ANKRD30A: variants seen among roughly 807,000 people sequenced by gnomAD.
ANKRD30A encodes ankyrin repeat domain-containing protein 30A.
In ANKRD30A, 170 loss-of-function variants were observed where a neutral mutation model predicts 166.3. That is an observed-to-expected ratio of 1.02 (90% CI 0.90 to 1.16). The LOEUF is 1.16. Among genes scored for constraint, ANKRD30A ranks in the 50% most tolerant of loss-of-function variants. ANKRD30A has a pLI of 0.00. For synonymous variants in ANKRD30A, 564 were observed against 508.9 expected, an observed-to-expected ratio of 1.11 and a Z score of -1.46; for missense variants, 1,630 against 1,518.0, an observed-to-expected ratio of 1.07 and a Z score of -1.23.
chr10:37,148,895 A>G (rs1837705086), intron 9 of ANKRD30A, among the ~76,000 whole-genome samples: 1 of 152,068 alleles, frequency 6.6e-6, no homozygotes, highest in Non-Finnish European at 1.5e-5. Flanking sequence ...AAAATACTGA[A>G]TTTATACTTG....
Position 37,219,354 on chromosome 10 carries a change from A to G in ANKRD30A, c.3642A>G (p.Thr1214=). The G allele has an allele frequency of 6.2e-7, 1 of 1,610,518 alleles. No individual in the cohort carries two copies. The highest frequency in any genetic ancestry group is 8.5e-7 in the Non-Finnish European group (1 of 1,177,676). The change falls in exon 34 of 36, where the codon ACA becomes ACG. Residue 1214 remains threonine (T), a synonymous_variant. Transcript: ENST00000361713. The part of the protein sequence containing the change: ...SAVQDHDQIV[T]SRKSQEPAFH... The stretch of plus-strand genomic sequence containing the variant: ...TACAAGACCATGATCAAATTGTGAC[A>G]TCAAGAAAAAGTCAAGAACCTGCTT...
Position 37,158,406 on chromosome 10 carries a change from G to A in ANKRD30A, c.1813G>A (p.Asp605Asn), listed in dbSNP as rs1480771028. ...NGKLEESPNK[D>N]GLLKATCGMK... ...TTTTCTTATAGAGTCTCCTAATAAA[G>A]ATGGTCTTCTGAAGGTAATAACTTT... is the stretch of plus-strand genomic sequence containing the variant. Residue 605 changes from aspartate to asparagine, a missense_variant, in exon 14 of 36, where the codon GAT (aspartate) becomes AAT (asparagine). Physicochemically the swap from Asp to Asn is conservative, Grantham distance 23. Around this residue, in one of 4 missense-constraint regions of ANKRD30A, gnomAD observed 904 missense variants for 818.5 expected, o/e 1.10. Coordinates refer to ENST00000361713, the MANE Select transcript of ANKRD30A (RefSeq NM_052997.3). 4 of 1,610,606 alleles carry A rather than the reference G, an allele frequency of 2.5e-6. No homozygotes were observed. In the Admixed American group the frequency reaches 6.7e-5, roughly 27 times the overall value.
chr10:37,264,258 C>T, the ANKRD30A span, among the ~76,000 whole-genome samples: 1 of 152,132 alleles, frequency 6.6e-6, no homozygotes, highest in African/African-American at 2.4e-5. Flanking sequence ...CCTGCTGTCA[C>T]TATGGGATAA....
chr10:37,237,085 G>C (rs752268066), downstream of ANKRD30A, among the ~76,000 whole-genome samples: 1 of 152,186 alleles, frequency 6.6e-6, no homozygotes, highest in African/African-American at 2.4e-5. Flanking sequence ...GATTGAGCTA[G>C]AAGACAGTTT....
intron 5 of ANKRD30A, among the ~76,000 whole-genome samples, chr10:37,135,626 A>G (rs1045971373): frequency 3.3e-5 from 5 of 152,180 alleles, no homozygotes; most frequent in Non-Finnish European, 5.9e-5. Flanking sequence ...GCTGGAAATG[A>G]TCATAGTTAC....
chr10:37,129,544 G>A (rs1286271800), intron 1 of ANKRD30A, among the ~76,000 whole-genome samples: 1 of 152,168 alleles, frequency 6.6e-6, no homozygotes, highest in African/African-American at 2.4e-5. Flanking sequence ...AGGCATCATA[G>A]TGATAACCTG....
intron 4 of ANKRD30A, among the ~76,000 whole-genome samples, chr10:37,133,003 GA>G (rs369817643): frequency 0.013 from 1,849 of 138,674 alleles, 17 homozygotes; most frequent in Non-Finnish European, 0.021. Context: ...CTGTCTCAAA[GA>G]AAAAAAAAAA....
chr10:37,159,672 AT>A (rs1311129977), intron 15 of ANKRD30A, among the ~76,000 whole-genome samples: 2 of 151,464 alleles, frequency 1.3e-5, no homozygotes, highest in Non-Finnish European at 2.9e-5. Flanking sequence ...ATTTTCTTCT[AT>A]TTTTGTTTGT....
intron 1 of ANKRD30A, among the ~76,000 whole-genome samples, chr10:37,127,138 T>C (rs1395209351): frequency 9.0e-6 from 1 of 111,190 alleles, no homozygotes; most frequent in East Asian, 3.1e-4. Context: ...TACAACAGAA[T>C]AGAAAATCCA....
chr10:37,248,502 A>G, the ANKRD30A span, among the ~76,000 whole-genome samples: 11 of 152,106 alleles, frequency 7.2e-5, no homozygotes, highest in Non-Finnish European at 1.0e-4. Context: ...TCAGCCCCTG[A>G]GGTCAATGTG....
chr10:37,153,960 A>C (rs1838163943), intron 13 of ANKRD30A, among the ~76,000 whole-genome samples: 1 of 152,184 alleles, frequency 6.6e-6, no homozygotes, highest in South Asian at 2.1e-4. Flanking sequence ...AGAAAGACAG[A>C]ACGTACAGAG....
chr10:37,251,182 G>T, the ANKRD30A span, among the ~76,000 whole-genome samples: 1 of 152,206 alleles, frequency 6.6e-6, no homozygotes, highest in African/African-American at 2.4e-5. Context: ...AGTAGGGGCT[G>T]CTATTGAGTT....
At chr10:37,136,728 G>T (rs563333621) in intron 6 of ANKRD30A, 57 bp downstream of exon 6, 6 of 1,030,612 alleles carry the variant, frequency 5.8e-6, no homozygotes, top group Admixed American at 2.9e-5. Flanking sequence ...TTATGGAAGT[G>T]TTGATCACAA....
chr10:37,125,706 G>C lies in ANKRD30A; in HGVS notation c.-82G>C, dbSNP rs1292191312. The stretch of plus-strand genomic sequence containing the variant: ...CGGTGCGTGGACTGAAGAAGGGCGA[G>C]GGCGATTGGGGAGGGGTGGGGGGTG... On this transcript the variant is annotated 5_prime_UTR_variant, in exon 1 of 36. Transcript: ENST00000361713. 3.7e-6 allele frequency: 2 copies of C among 545,568 alleles called. No homozygotes were observed. The highest frequency in any genetic ancestry group is 6.6e-6 in the Non-Finnish European group (2 of 301,968). The allele number at this position is 545,568 out of a possible 1,614,324, so 33.8% of individuals were successfully genotyped here.
At chr10:37,158,653 CTT>C in intron 15 of ANKRD30A, 67 bp downstream of exon 15, 2 of 1,581,200 alleles carry the variant, frequency 1.3e-6, no homozygotes, top group Non-Finnish European at 1.7e-6. Flanking sequence ...TGCTGTGAGA[CTT>C]TTCATTCCCA....
chr10:37,167,324 T>C (rs534886716), intron 19 of ANKRD30A, among the ~76,000 whole-genome samples: 2 of 145,902 alleles, frequency 1.4e-5, no homozygotes, highest in African/African-American at 5.4e-5. Context: ...GTATGTATGT[T>C]TTTGATGTTC....
intron 31 of ANKRD30A, among the ~76,000 whole-genome samples, chr10:37,201,618 A>G (rs1841632938): frequency 6.6e-6 from 1 of 152,118 alleles, no homozygotes; most frequent in South Asian, 2.1e-4. Flanking sequence ...AGACTGAGAA[A>G]GACAGAGCGT....
chr10:37,234,544 A>G (rs1327695779), downstream of ANKRD30A, among the ~76,000 whole-genome samples: 1 of 152,008 alleles, frequency 6.6e-6, no homozygotes, highest in Non-Finnish European at 1.5e-5. Flanking sequence ...ATGTTTTTTA[A>G]ATGTTTGAGA....
intron 24 of ANKRD30A, among the ~76,000 whole-genome samples, chr10:37,183,785 G>T (rs1220521787): frequency 1.7e-4 from 25 of 148,100 alleles, no homozygotes; most frequent in Admixed American, 4.1e-4. Flanking sequence ...TATATTTAAA[G>T]TATACCTAAT....
Sources: gnomAD v4.1 joint callset for allele counts (sites outside exome capture counted in the v4.1 genomes callset) on GRCh38, gnomAD v4.1.1 for gene constraint, gnomAD v4.1.1 regional missense constraint, MANE v1.5 for transcripts, NCBI Gene and HGNC (gene_info 2026-07-23, HGNC 2026-07-21) for gene names.